PNPLA7: variants seen among roughly 807,000 people sequenced by gnomAD.
PNPLA7 encodes the protein patatin like domain 7, lysophospholipase, also known as patatin-like phospholipase domain-containing protein 7.
A neutral mutation model predicts 161.7 loss-of-function variants in PNPLA7; 153 were observed. The ratio of observed to expected loss-of-function variants is 0.95; its 90% confidence interval spans 0.83 to 1.08. The LOEUF is 1.08. Ranked by LOEUF, PNPLA7 falls within the 50% of genes least tolerant of loss-of-function variation. The pLI is 0.00. For synonymous variants in PNPLA7, 809 were observed against 782.1 expected (o/e 1.03, Z -0.57); for missense variants, 1,739 against 1,856.6 (o/e 0.94, Z 1.16).
chr9:137,548,958 G>A (rs966068080), intron 1 of PNPLA7, among the ~76,000 whole-genome samples: 1 of 152,148 alleles, frequency 6.6e-6, no homozygotes, highest in Admixed American at 6.5e-5. Context: ...AAGCACCTAC[G>A]ACCATGTCCC....
At chr9:137,503,460 G>C (rs1234236911) in intron 14 of PNPLA7, among the ~76,000 whole-genome samples, 1 of 122,382 alleles carries the variant, frequency 8.2e-6, no homozygotes, top group Admixed American at 9.1e-5. Context: ...GAAGGAGGAG[G>C]GGGAAGGAGA....
chr9:137,492,963 G>T (rs368322846), intron 20 of PNPLA7, 50 bp downstream of exon 20: 99 of 1,571,806 alleles, frequency 6.3e-5, no homozygotes, highest in Middle Eastern at 2.2e-4. Context: ...CGGGGCTCCA[G>T]GACTGGGTGA....
rs867641398 is a variant in PNPLA7 at position 137,546,832 on chromosome 9, T to G, written c.271A>C (p.Lys91Gln). 2 of 1,613,786 alleles carry G rather than the reference T, an allele frequency of 1.2e-6. No homozygotes were observed. The highest frequency in any genetic ancestry group is 2.7e-5 in the African/African-American group (2 of 75,044). Residue 91 changes from lysine to glutamine, a missense_variant and splice_region_variant, in exon 4 of 35, where the codon AAG becomes CAG. By Grantham distance (53) the Lys-to-Gln change is moderately conservative (BLOSUM62 1). Around this residue, in one of 6 missense-constraint regions of PNPLA7, gnomAD observed 209 missense variants for 252.8 expected, o/e 0.83. Transcript: ENST00000406427. ...CTGGGGCCCCGAGCAACAGCTACCT[T>G]CCTCATGATCTTCCGGCCGTAAAAC... ...VMFYGRKIMRKVTTLPNTLVE... is the reference protein window; with the variant it reads ...VMFYGRKIMRQVTTLPNTLVE...
At chr9:137,472,222 G>T (rs563111585) in intron 25 of PNPLA7, among the ~76,000 whole-genome samples, 11 of 152,140 alleles carry the variant, frequency 7.2e-5, no homozygotes, top group African/African-American at 2.6e-4. Flanking sequence ...AGTTCAGGAG[G>T]GAGGGAAGGT....
At chr9:137,517,732 A>G (rs111162617) in intron 11 of PNPLA7, among the ~76,000 whole-genome samples, 14 of 34,434 alleles carry the variant, frequency 4.1e-4, no homozygotes, top group Non-Finnish European at 3.9e-4. Context: ...ACTCCACTCT[A>G]TCCACTCCAT....
intron 19 of PNPLA7, among the ~76,000 whole-genome samples, chr9:137,494,405 G>C (rs187642153): frequency 7.6e-4 from 116 of 152,218 alleles, no homozygotes; most frequent in Non-Finnish European, 1.3e-3. Context: ...CCTGCTCACC[G>C]TCACCGCCCC....
At position 137,467,370 on chromosome 9, in the gene PNPLA7, A is replaced by G. The variant is rs535949187; in HGVS notation, c.2986T>C (p.Ser996Pro). 1.4e-5 allele frequency: 23 copies of G among 1,613,528 alleles called. No homozygotes were observed. The Admixed American group carries it at 2.0e-4, about 14-fold the overall frequency. Reference sequence around the variant, plus strand: ...ATCTGGCTGTAGTTCCGCTCCTCAGAGTACAGGGCACCCACGAAGGCCCCG... The same window carrying G: ...ATCTGGCTGTAGTTCCGCTCCTCAGGGTACAGGGCACCCACGAAGGCCCCG... ...SIGAFVGALY[S>P]EERNYSQMRI... The change falls in exon 26 of 35, where the codon TCT (serine) becomes CCT (proline). Residue 996 changes from serine to proline, a missense_variant. Around this residue, in one of 6 missense-constraint regions of PNPLA7, gnomAD observed 703 missense variants for 694.6 expected, o/e 1.01. Coordinates refer to ENST00000406427, the MANE Select transcript of PNPLA7 (RefSeq NM_001098537.3). The surrounding 1 kb of genome is among the most constrained non-coding windows in gnomAD (Gnocchi z 5.1).
intron 1 of PNPLA7, among the ~76,000 whole-genome samples, chr9:137,548,239 T>C (rs1008440165): frequency 1.5e-4 from 23 of 151,318 alleles, no homozygotes; most frequent in African/African-American, 5.1e-4. Context: ...TTCCAAGAAG[T>C]GAAAGAGAAA....
chr9:137,546,915 G>A lies in PNPLA7; in HGVS notation c.194-6C>T, dbSNP rs1257582909. ...AGGAGTGGGCTGTGCTTGTCCTGCA[G>A]GGGAGTAAAGGGATGGCCTGAGGTA... is the stretch of plus-strand genomic sequence containing the variant. On this transcript the variant is annotated splice_region_variant and splice_polypyrimidine_tract_variant and intron_variant, in intron 3 of 34. Transcript: ENST00000406427. The A allele has an allele frequency of 1.9e-6, 3 of 1,613,346 alleles. No homozygotes were observed. Among genetic ancestry groups the A allele is most frequent in the East Asian group, 2.2e-5 (1 of 44,898 alleles).
intron 32 of PNPLA7, 84 bp downstream of exon 32, chr9:137,461,847 G>A (rs1315998604): frequency 2.9e-6 from 4 of 1,396,588 alleles, no homozygotes; most frequent in Non-Finnish European, 3.8e-6. Flanking sequence ...AGCTGGGCGT[G>A]GCCTGATGAA....
chr9:137,488,381 A>T lies in PNPLA7; in HGVS notation c.2198-3645T>A, dbSNP rs1832599901. 2.0e-5 allele frequency among the ~76,000 whole-genome samples: 3 copies of T among 152,278 alleles called. No individual in the cohort carries two copies. In the South Asian group the frequency reaches 6.2e-4, roughly 32 times the overall value. ...AGGCGGAATGGGGGAGGCCATTGCT[A>T]GTTCCATATGGCCTTAGCCTTGGGA... On this transcript the variant is annotated intron_variant, in intron 20 of 34. Transcript: ENST00000406427.
intron 18 of PNPLA7, among the ~76,000 whole-genome samples, chr9:137,496,886 T>C (rs575361258): frequency 2.3e-3 from 345 of 152,264 alleles, no homozygotes; most frequent in African/African-American, 7.7e-3. Context: ...CTCCTGCTGC[T>C]ACCAGCCCTC....
chr9:137,469,278 CAA>C (rs1003854841), intron 25 of PNPLA7, among the ~76,000 whole-genome samples: 3 of 152,102 alleles, frequency 2.0e-5, no homozygotes, highest in African/African-American at 7.2e-5. Context: ...GAATATGTAA[CAA>C]TATTGTTTTA....
chr9:137,526,045 T>C (rs1052184958), intron 8 of PNPLA7, among the ~76,000 whole-genome samples: 9 of 151,660 alleles, frequency 5.9e-5, no homozygotes, highest in African/African-American at 2.2e-4. Flanking sequence ...AGAGTAATGC[T>C]ACAAACTAAT....
Position 137,542,700 on chromosome 9 carries a change from G to A in PNPLA7, c.608C>T (p.Pro203Leu), listed in dbSNP as rs1464675639. Residue 203 changes from proline (P) to leucine (L), a missense_variant, in exon 7 of 35, where the codon CCG becomes CTG. Pro to Leu is a moderately conservative substitution (Grantham distance 98, BLOSUM62 -3). Coordinates refer to ENST00000406427, the MANE Select transcript of PNPLA7 (RefSeq NM_001098537.3). ...CTGCACCACACAGATGCTGGGGTCCGGCTCCCTGGGCTGGAAGACGTGCTC... is the reference window on the plus strand; with the variant it reads ...CTGCACCACACAGATGCTGGGGTCCAGCTCCCTGGGCTGGAAGACGTGCTC... ...EGEHVFQPRE[P>L]DPSICVVQDG... 16 of 1,613,252 alleles carry A rather than the reference G, an allele frequency of 9.9e-6. No homozygotes were observed. Among genetic ancestry groups the A allele is most frequent in the Middle Eastern group, 1.7e-4 (1 of 5,734 alleles).
chr9:137,546,468 G>T (rs900676989), intron 4 of PNPLA7, among the ~76,000 whole-genome samples: 1 of 152,216 alleles, frequency 6.6e-6, no homozygotes, highest in East Asian at 1.9e-4. Context: ...CTCCGCACAG[G>T]GGGAGAAACC....
At chr9:137,466,817 G>C (rs547293645) in intron 26 of PNPLA7, among the ~76,000 whole-genome samples, 225 of 142,154 alleles carry the variant, frequency 1.6e-3, no homozygotes, top group Admixed American at 1.0e-3. Flanking sequence ...GCACGGATCA[G>C]ACCACCTCCC....
intron 26 of PNPLA7, among the ~76,000 whole-genome samples, chr9:137,466,953 G>T (rs1448590939): frequency 2.8e-5 from 4 of 144,774 alleles, no homozygotes; most frequent in Non-Finnish European, 4.5e-5. Context: ...CTCAGACCCG[G>T]GCACGGATCA....
In PNPLA7 at chr9:137,499,798, G is replaced by A. The variant is rs530002108; in HGVS notation, c.1757+893C>T. On this transcript the variant is annotated intron_variant, in intron 16 of 34. Transcript: ENST00000406427. This position sits in a 1 kb window ranked among gnomAD's most constrained non-coding sequence, Gnocchi z 5.5. ...GTGAGCCGCTGCACCCAGCCGACCT[G>A]TTTTCTTCAGCTGCTGTGCTTCCAC... Among the ~76,000 whole-genome samples the A allele has an allele frequency of 1.7e-3, 262 of 152,358 alleles. 1 individual carries two copies. The highest frequency in any genetic ancestry group is 2.9e-3 in the Non-Finnish European group (194 of 68,024).
Sources: allele counts gnomAD v4.1 joint callset (sites outside exome capture counted in the v4.1 genomes callset), GRCh38; gene constraint gnomAD v4.1.1; regional missense constraint gnomAD v4.1.1; non-coding constraint Gnocchi (gnomAD v3.1); transcripts MANE v1.5; gene names NCBI Gene and HGNC (gene_info 2026-07-23, HGNC 2026-07-21).